Variants in PRIM2 observed in about 807,000 individuals in gnomAD.
PRIM2 encodes DNA primase large subunit.
Under a neutral mutation model 67.3 loss-of-function variants are expected in PRIM2, and 39 were observed. The ratio of observed to expected loss-of-function variants is 0.58; its 90% CI spans 0.45 to 0.76. PRIM2 has a LOEUF of 0.76. Among genes scored for constraint, PRIM2 ranks in the 30% least tolerant of loss-of-function variants. The pLI is 0.00. For synonymous variants in PRIM2, 143 were observed against 198.7 expected (o/e 0.72, Z 2.36); for missense variants, 398 against 598.7 (o/e 0.66, Z 3.50).
At chr6:57,518,327 G>A (rs1251405422) in intron 8 of PRIM2, among the ~76,000 whole-genome samples, 37 of 152,184 alleles carry the variant, frequency 2.4e-4, no homozygotes, top group Non-Finnish European at 2.8e-4. Flanking sequence ...ATCATCCAAT[G>A]TAAAGTCACC....
intron 5 of PRIM2, among the ~76,000 whole-genome samples, chr6:57,330,366 T>TG (rs1768015573): frequency 1.0e-5 from 1 of 96,916 alleles, no homozygotes; most frequent in African/African-American, 4.2e-5. Flanking sequence ...TTTTTGTTTT[T>TG]GTTTTTTTGT....
At chr6:57,445,477 G>T (rs1177747740) in intron 7 of PRIM2, among the ~76,000 whole-genome samples, 2 of 151,978 alleles carry the variant, frequency 1.3e-5, no homozygotes, top group African/African-American at 2.4e-5. Context: ...TCTGTATGTA[G>T]ACCTCCCAAT....
At chr6:57,349,036 T>G (rs891372196) in intron 5 of PRIM2, among the ~76,000 whole-genome samples, 4 of 152,120 alleles carry the variant, frequency 2.6e-5, no homozygotes, top group Admixed American at 1.3e-4. Flanking sequence ...TGAGACACCA[T>G]GCCTGGCCTC....
intron 13 of PRIM2, among the ~76,000 whole-genome samples, chr6:57,645,405 A>ATTTTTTTTTTTTTTTTTTTTTTTTTTT (rs1458949369): frequency 4.0e-5 from 6 of 148,666 alleles, no homozygotes; most frequent in African/African-American, 1.5e-4. Context: ...TAGTTTTCTA[A>ATTTTTTTTTTTTTTTTTTTTTTTTTTT]TTTTTTGTTT....
intron 7 of PRIM2, among the ~76,000 whole-genome samples, chr6:57,472,241 C>A (rs1773351392): frequency 6.6e-6 from 1 of 151,918 alleles, no homozygotes; most frequent in Non-Finnish European, 1.5e-5. Flanking sequence ...ATCAGCCTGG[C>A]CAACACAGTG....
At chr6:57,620,021 C>A (rs1227431791) in intron 12 of PRIM2, among the ~76,000 whole-genome samples, 2 of 152,034 alleles carry the variant, frequency 1.3e-5, no homozygotes, top group African/African-American at 4.8e-5. Flanking sequence ...ACAGTGAAAC[C>A]CCATCTCTAC....
intron 13 of PRIM2, among the ~76,000 whole-genome samples, chr6:57,641,344 C>G (rs1319687601): frequency 6.6e-6 from 1 of 152,096 alleles, no homozygotes; most frequent in Non-Finnish European, 1.5e-5. Flanking sequence ...GACTTCATGA[C>G]TAAAACACCA....
At chr6:57,606,514 GGTTTTATTTAAT>G (rs1776565677) in intron 12 of PRIM2, 57 bp downstream of exon 12, 1 of 1,379,072 alleles carries the variant, frequency 7.3e-7, no homozygotes, top group Admixed American at 1.9e-5. Context: ...TAGATCTCTC[GGTTTTATTTAAT>G]GTTCTTGCAG....
At chr6:57,593,741 T>C (rs1229475172) in intron 10 of PRIM2, among the ~76,000 whole-genome samples, 1 of 152,352 alleles carries the variant, frequency 6.6e-6, no homozygotes, top group African/African-American at 2.4e-5. Flanking sequence ...AAACCAGAGA[T>C]GACAATTTGT....
At chr6:57,228,177 A>T in the PRIM2 span, among the ~76,000 whole-genome samples, 1 of 152,236 alleles carries the variant, frequency 6.6e-6, no homozygotes, top group Non-Finnish European at 1.5e-5. Context: ...ATGGTGATAA[A>T]TAAAAATGTT....
At chr6:57,627,279 CAAAAAAAAAAAAAAAA>C (rs1158722297) in intron 12 of PRIM2, among the ~76,000 whole-genome samples, 2 of 24,538 alleles carry the variant, frequency 8.2e-5, no homozygotes, top group Non-Finnish European at 1.6e-4. Context: ...GACTCTGTCT[CAAAAAAAAAAAAAAAA>C]AAAAAAAAAA....
chr6:57,337,218 G>T (rs1160228812), intron 5 of PRIM2, among the ~76,000 whole-genome samples: 13 of 151,660 alleles, frequency 8.6e-5, no homozygotes, highest in African/African-American at 1.4e-4. Flanking sequence ...AGCAAGTCCT[G>T]AGTGACCTAC....
At chr6:57,287,695 C>T in the PRIM2 span, among the ~76,000 whole-genome samples, 1 of 151,532 alleles carries the variant, frequency 6.6e-6, no homozygotes, top group East Asian at 1.9e-4. Context: ...TTGATAGGTG[C>T]AGGAAAACAC....
chr6:57,417,128 G>A (rs533697119), intron 7 of PRIM2, among the ~76,000 whole-genome samples: 2 of 151,894 alleles, frequency 1.3e-5, no homozygotes, highest in Admixed American at 6.6e-5. Context: ...CACCATACCC[G>A]GCTAATTTTT....
intron 5 of PRIM2, among the ~76,000 whole-genome samples, chr6:57,345,185 G>A (rs993496307): frequency 7.9e-5 from 12 of 151,590 alleles, no homozygotes; most frequent in Non-Finnish European, 1.8e-4. Context: ...TTGAGACAGG[G>A]TTTCACTCCA....
intron 5 of PRIM2, among the ~76,000 whole-genome samples, chr6:57,344,889 C>G (rs192578695): frequency 5.3e-5 from 8 of 152,008 alleles, no homozygotes; most frequent in Non-Finnish European, 2.9e-5. Flanking sequence ...GATGCTATGG[C>G]TAAATGTGAA....
chr6:57,225,144 A>G, the PRIM2 span, among the ~76,000 whole-genome samples: 13,409 of 152,260 alleles, frequency 0.088, 1,551 homozygotes, highest in African/African-American at 0.27. Flanking sequence ...AAAAAATGGT[A>G]TATAAGCTCT....
chr6:57,584,888 G>T (rs1394448611), intron 10 of PRIM2, among the ~76,000 whole-genome samples: 72 of 152,248 alleles, frequency 4.7e-4, no homozygotes, highest in African/African-American at 1.7e-3. Context: ...ACATAATTCA[G>T]CTAGTAGGTG....
At chr6:57,600,144 C>G (rs1235698571) in intron 10 of PRIM2, among the ~76,000 whole-genome samples, 14 of 152,100 alleles carry the variant, frequency 9.2e-5, no homozygotes, top group Non-Finnish European at 1.6e-4. Context: ...CTACAAAATG[C>G]CTGGCACCTG....
Sources: allele counts gnomAD v4.1 joint callset (sites outside exome capture counted in the v4.1 genomes callset), GRCh38; gene constraint gnomAD v4.1.1; transcripts MANE v1.5; gene names NCBI Gene and HGNC (gene_info 2026-07-23, HGNC 2026-07-21).